The following ZNG1A variants were observed in gnomAD, a reference collection of about 807,000 sequenced individuals.
ZNG1A encodes the protein zinc-regulated GTPase metalloprotein activator 1A.
chr9:162,329 T>C, the ZNG1A span: 3 of 1,150,806 alleles, frequency 2.6e-6, no homozygotes, highest in Non-Finnish European at 2.4e-6. Flanking sequence ...GAAAGGTTTT[T>C]GTTAAAGAAA....
chr9:122,147 GA>G, the ZNG1A span: 1 of 1,588,838 alleles, frequency 6.3e-7, no homozygotes, highest in Non-Finnish European at 8.6e-7. Flanking sequence ...CTTAAAAGCA[GA>G]AATAGAGCAT....
chr9:152,597 C>T, the ZNG1A span, among the ~76,000 whole-genome samples: 15 of 151,624 alleles, frequency 9.9e-5, no homozygotes, highest in Non-Finnish European at 1.8e-4. Context: ...ATAGAATAAC[C>T]TCGTCAGTTA....
the ZNG1A span, chr9:147,639 T>C: frequency 6.8e-6 from 1 of 147,454 alleles, no homozygotes; most frequent in Non-Finnish European, 1.5e-5. Context: ...GCAAATGTTC[T>C]ATGAAGAAAT....
chr9:170,869 T>G, the ZNG1A span, among the ~76,000 whole-genome samples: 5 of 146,126 alleles, frequency 3.4e-5, no homozygotes, highest in Non-Finnish European at 6.0e-5. Flanking sequence ...TATAAAAGCT[T>G]TCTCTGTGAT....
chr9:142,188 A>G, the ZNG1A span, among the ~76,000 whole-genome samples: 2 of 148,230 alleles, frequency 1.3e-5, no homozygotes, highest in Admixed American at 6.7e-5. Flanking sequence ...TGCACCAAGC[A>G]GACCTAATAG....
the ZNG1A span, chr9:167,394 A>G: frequency 2.0e-5 from 3 of 150,944 alleles, no homozygotes; most frequent in Non-Finnish European, 4.4e-5. Flanking sequence ...CAACATTTAC[A>G]AAGTTGAGGG....
chr9:140,015 C>T, the ZNG1A span, among the ~76,000 whole-genome samples: 1 of 150,444 alleles, frequency 6.6e-6, no homozygotes, highest in African/African-American at 2.5e-5. Context: ...GGGTCCCACG[C>T]CCACAGAGTC....
the ZNG1A span, among the ~76,000 whole-genome samples, chr9:131,347 G>C: frequency 9.4e-5 from 14 of 149,170 alleles, no homozygotes; most frequent in East Asian, 2.0e-3. Context: ...TGTTTATTTA[G>C]TCTGTTTCTT....
At chr9:176,865 T>C in the ZNG1A span, among the ~76,000 whole-genome samples, 2 of 151,838 alleles carry the variant, frequency 1.3e-5, no homozygotes, top group Non-Finnish European at 2.9e-5. Flanking sequence ...CTTTAAGACA[T>C]AGCTCATTCA....
the ZNG1A span, among the ~76,000 whole-genome samples, chr9:177,019 C>T: frequency 6.6e-6 from 1 of 152,046 alleles, no homozygotes; most frequent in African/African-American, 2.4e-5. Flanking sequence ...GCAATTATGT[C>T]ACAGGGTGAC....
chr9:121,384 A>C, the ZNG1A span: 1 of 852,406 alleles, frequency 1.2e-6, no homozygotes, highest in Non-Finnish European at 1.9e-6. Context: ...TTCGTAACTA[A>C]AGTAATAAAT....
chr9:169,075 A>T, the ZNG1A span, among the ~76,000 whole-genome samples: 1 of 152,122 alleles, frequency 6.6e-6, no homozygotes. Flanking sequence ...ATAGACAGTG[A>T]TTCCTCTGAT....
the ZNG1A span, among the ~76,000 whole-genome samples, chr9:168,426 G>A: frequency 6.6e-6 from 1 of 151,282 alleles, no homozygotes; most frequent in South Asian, 2.1e-4. Flanking sequence ...CTAATTTTTG[G>A]TATTTTTAGC....
chr9:178,964 T>A, the ZNG1A span: 2 of 1,101,996 alleles, frequency 1.8e-6, no homozygotes, highest in East Asian at 5.0e-5. Context: ...CAACAGCCGG[T>A]AACATTCCGG....
At chr9:151,383 T>C in the ZNG1A span, 3 of 972,668 alleles carry the variant, frequency 3.1e-6, no homozygotes, top group South Asian at 1.4e-4. Context: ...GCTGTGAGCC[T>C]CAGAGCTCCT....
At chr9:166,399 C>G in the ZNG1A span, 1 of 150,962 alleles carries the variant, frequency 6.6e-6, no homozygotes, top group African/African-American at 2.5e-5. Flanking sequence ...TATTTCCCAT[C>G]AGCACCACAT....
the ZNG1A span, among the ~76,000 whole-genome samples, chr9:152,440 T>A: frequency 1.3e-5 from 2 of 152,076 alleles, no homozygotes; most frequent in East Asian, 3.9e-4. Context: ...ACTCAAAATT[T>A]TTACGGTGGT....
chr9:146,958 A>G, the ZNG1A span: 8 of 151,902 alleles, frequency 5.3e-5, no homozygotes, highest in East Asian at 1.6e-3. Flanking sequence ...GGCGGATCAC[A>G]AGGTCAAGAT....
the ZNG1A span, among the ~76,000 whole-genome samples, chr9:159,763 T>C: frequency 6.6e-6 from 1 of 151,260 alleles, no homozygotes; most frequent in Non-Finnish European, 1.5e-5. Flanking sequence ...TTGACCAGAG[T>C]GGAAATAAAT....
Sources: gnomAD v4.1 joint callset for allele counts (sites outside exome capture counted in the v4.1 genomes callset) on GRCh38, gnomAD v4.1.1 for gene constraint, MANE v1.5 for transcripts, NCBI Gene and HGNC (gene_info 2026-07-23, HGNC 2026-07-21) for gene names.